The following SEPTIN9 variants were observed in gnomAD, a reference collection of about 807,000 sequenced individuals.
SEPTIN9 encodes the protein septin 9, also known as septin-9.
SEPTIN9 carries 13 observed loss-of-function variants against 56.6 expected under a neutral mutation model. The ratio of observed to expected loss-of-function variants is 0.23; its 90% CI spans 0.15 to 0.37. The LOEUF (loss-of-function observed/expected upper bound fraction) is 0.37. Among genes scored for constraint, SEPTIN9 ranks in the 10% least tolerant of loss-of-function variants. The pLI is 1.00. For missense variants in SEPTIN9, 650 were observed against 823.1 expected (o/e 0.79, Z 2.57); for synonymous variants, 332 against 334.1 (o/e 0.99, Z 0.07).
In SEPTIN9 at chr17:77,323,185, C is replaced by G. The variant is rs796216017; in HGVS notation, c.76+15988C>G. On this transcript the variant is annotated intron_variant, in intron 2 of 11. Transcript: ENST00000427177. The surrounding 1 kb of genome is among the most constrained non-coding windows in gnomAD (Gnocchi z 6.8). ...GGGCCTGGGTACTCTCCCGCCCTCC[C>G]TGGGGGCTGTGGCCTTCCCCTGGGA... Among the ~76,000 whole-genome samples the G allele has an allele frequency of 1.4e-4, 21 of 152,228 alleles. 1 individual carries two copies. Among genetic ancestry groups the G allele is most frequent in the African/African-American group, 4.8e-4 (20 of 41,536 alleles).
At chr17:77,353,165 G>A (rs537487400) in intron 2 of SEPTIN9, among the ~76,000 whole-genome samples, 1 of 152,288 alleles carries the variant, frequency 6.6e-6, no homozygotes, top group East Asian at 1.9e-4. Flanking sequence ...TCCAGGGTGT[G>A]CGCAGGTGGG....
rs1240997744 is a variant in SEPTIN9 at position 77,456,015 on chromosome 17, A to G, written c.722-26129A>G. On this transcript the variant is annotated intron_variant, in intron 3 of 11. Coordinates refer to ENST00000427177, the MANE Select transcript of SEPTIN9 (RefSeq NM_001113491.2). This position sits in a 1 kb window ranked among gnomAD's most constrained non-coding sequence, Gnocchi z 6.0. ...TGGAAGATTCCCGGCACCGCTTCCC[A>G]TGCGCCACGTGACTAGGAGGGTCTT... Among the ~76,000 whole-genome samples the G allele has an allele frequency of 3.3e-5, 5 of 152,052 alleles. No homozygotes were observed. Among genetic ancestry groups the G allele is most frequent in the Admixed American group, 6.5e-5 (1 of 15,286 alleles).
At position 77,493,200 on chromosome 17, in the gene SEPTIN9, C is replaced by CA. The variant is rs61127839; in HGVS notation, c.1573+125dup. 353,455 of 752,006 alleles carry CA rather than the reference C, an allele frequency of 0.47. 86,073 individuals are homozygous for CA. Among genetic ancestry groups the CA allele is most frequent in the Middle Eastern group, 0.64 (2,218 of 3,472 alleles). 46.6% of individuals were successfully genotyped at this position (752,006 alleles called of 1,614,324 possible). A position where few individuals can be genotyped will look rare whatever the true frequency, so the allele number is the denominator to read the frequency against. ...ACCTCATCCACTGCCTTGCCCCACC[C>CA]AGAGGGAGGGGTCTCCTTGTCCCCA... On this transcript the variant is annotated intron_variant, in intron 10 of 11. Transcript: ENST00000427177.
At chr17:77,346,909 A>G (rs553914837) in intron 2 of SEPTIN9, among the ~76,000 whole-genome samples, 1 of 152,302 alleles carries the variant, frequency 6.6e-6, no homozygotes, top group East Asian at 1.9e-4. Context: ...CCATGTGGGG[A>G]CACAGCAGGA....
intron 2 of SEPTIN9, among the ~76,000 whole-genome samples, chr17:77,346,729 T>A (rs555528711): frequency 6.6e-6 from 1 of 152,286 alleles, no homozygotes; most frequent in African/African-American, 2.4e-5. Flanking sequence ...ATCTGATGCT[T>A]GTTTCTCAGA....
At chr17:77,414,609 ACT>A (rs1442295030) in intron 3 of SEPTIN9, among the ~76,000 whole-genome samples, 1 of 124,468 alleles carries the variant, frequency 8.0e-6, no homozygotes, top group Non-Finnish European at 1.6e-5. Context: ...ATAGGGTCTC[ACT>A]CTGTCACCCA....
chr17:77,488,181 G>T, intron 5 of SEPTIN9, 59 bp from the exon 6 acceptor site: 1 of 1,526,032 alleles, frequency 6.6e-7, no homozygotes, highest in Non-Finnish European at 9.1e-7. Context: ...AGTCAGGTGT[G>T]GGGTGTCTGT....
chr17:77,481,712 A>G (rs1281094220), intron 3 of SEPTIN9, among the ~76,000 whole-genome samples: 1 of 152,070 alleles, frequency 6.6e-6, no homozygotes. Flanking sequence ...GGTGAAGGAG[A>G]GGGCCAGGTC....
chr17:77,461,236 G>C lies in SEPTIN9; in HGVS notation c.722-20908G>C, dbSNP rs919519713. 6.2e-4 allele frequency among the ~76,000 whole-genome samples: 94 copies of C among 151,866 alleles called. 1 individual carries two copies. The highest frequency in any genetic ancestry group is 2.1e-3 in the African/African-American group (87 of 41,390). ...CAGGAGAATCACTCAAATCCAGGAGGCGGAGGTTGCAGTGAGCCGAGATCA... is the reference window on the plus strand; with the variant it reads ...CAGGAGAATCACTCAAATCCAGGAGCCGGAGGTTGCAGTGAGCCGAGATCA... On this transcript the variant is annotated intron_variant, in intron 3 of 11. Transcript: ENST00000427177.
intron 1 of SEPTIN9, among the ~76,000 whole-genome samples, chr17:77,285,322 C>T (rs988538968): frequency 2.0e-5 from 3 of 152,100 alleles, no homozygotes; most frequent in African/African-American, 7.2e-5. Context: ...TACCCGAGGC[C>T]GATGAGCCAC....
rs773416606 is a variant in SEPTIN9, at chr17:77,498,608, G to T, written c.1711G>T (p.Ala571Ser). 1.2e-5 allele frequency: 19 copies of T among 1,610,226 alleles called. No individual in the cohort carries two copies. Among genetic ancestry groups the T allele is most frequent in the Non-Finnish European group, 1.6e-5 (19 of 1,178,872 alleles). The change falls in exon 12 of 12, where the codon GCC (alanine) becomes TCC (serine). Residue 571 changes from alanine (A) to serine (S), a missense_variant. Physicochemically the swap from Ala to Ser is moderately conservative, Grantham distance 99. Transcript: ENST00000427177. Reference protein sequence around the residue: ...RVKRLNEGSSAMANGMEEKEP... With the variant: ...RVKRLNEGSSSMANGMEEKEP... ...GAAGCGCCTCAACGAGGGCAGCAGCGCCATGGCCAACGGCATGGAGGAGAA... is the reference window on the plus strand; with the variant it reads ...GAAGCGCCTCAACGAGGGCAGCAGCTCCATGGCCAACGGCATGGAGGAGAA...
chr17:77,381,607 T>A (rs186350809), intron 2 of SEPTIN9, among the ~76,000 whole-genome samples: 1 of 152,384 alleles, frequency 6.6e-6, no homozygotes, highest in Admixed American at 6.5e-5. Flanking sequence ...TCCTCTGTCC[T>A]CTGCCTCTTG....
chr17:77,489,820 C>T (rs527280107), intron 7 of SEPTIN9, among the ~76,000 whole-genome samples: 10 of 152,280 alleles, frequency 6.6e-5, no homozygotes, highest in Admixed American at 2.6e-4. Flanking sequence ...GGGGCCAGCC[C>T]GCTGTCCATG....
chr17:77,401,532 G>A (rs764397103), intron 2 of SEPTIN9, among the ~76,000 whole-genome samples: 1 of 152,086 alleles, frequency 6.6e-6, no homozygotes, highest in Non-Finnish European at 1.5e-5. Context: ...GATCGCTTGA[G>A]GTCAGGAGTC....
At chr17:77,457,728 C>A (rs893881190) in intron 3 of SEPTIN9, among the ~76,000 whole-genome samples, 1 of 152,190 alleles carries the variant, frequency 6.6e-6, no homozygotes, top group African/African-American at 2.4e-5. Flanking sequence ...GAGGTCTGGC[C>A]GATTTGGCAG....
intron 3 of SEPTIN9, among the ~76,000 whole-genome samples, chr17:77,439,255 G>A (rs537551582): frequency 8.2e-4 from 125 of 152,290 alleles, no homozygotes; most frequent in African/African-American, 2.8e-3. Flanking sequence ...AGCAGCATTG[G>A]CAGGGGTTGG....
intron 11 of SEPTIN9, among the ~76,000 whole-genome samples, chr17:77,498,093 G>A (rs1468413661): frequency 6.6e-6 from 1 of 151,898 alleles, no homozygotes; most frequent in Non-Finnish European, 1.5e-5. Context: ...TTTGCCCCAG[G>A]CCACCTGCCT....
intron 2 of SEPTIN9, among the ~76,000 whole-genome samples, chr17:77,324,010 G>A (rs985692126): frequency 1.3e-5 from 2 of 152,210 alleles, no homozygotes; most frequent in Non-Finnish European, 2.9e-5. Context: ...GGTTCTTTCC[G>A]GAGGCTCCGA....
At chr17:77,455,811 C>T (rs2038175032) in intron 3 of SEPTIN9, among the ~76,000 whole-genome samples, 1 of 152,226 alleles carries the variant, frequency 6.6e-6, no homozygotes. Flanking sequence ...AGATTTTCAA[C>T]TTTTATCCAA....
Sources: gnomAD v4.1 joint callset for allele counts (sites outside exome capture counted in the v4.1 genomes callset) on GRCh38, gnomAD v4.1.1 for gene constraint, Gnocchi (gnomAD v3.1) non-coding constraint, MANE v1.5 for transcripts, NCBI Gene and HGNC (gene_info 2026-07-23, HGNC 2026-07-21) for gene names.